Variants in XKR9 observed in about 807,000 individuals in gnomAD.
The protein encoded by XKR9 is XK-related protein 9.
A neutral mutation model predicts 32.0 loss-of-function variants in XKR9; 32 were observed. That is an observed-to-expected ratio of 1.00 (90% CI 0.76 to 1.34). The LOEUF (loss-of-function observed/expected upper bound fraction) is 1.34, where lower values mean the gene tolerates loss of function less well. Among genes scored for constraint, XKR9 ranks in the 40% most tolerant of loss-of-function variants. The pLI is 0.00. For missense variants in XKR9, 546 were observed against 429.7 expected (o/e 1.27, Z -2.39); for synonymous variants, 168 against 143.4 (o/e 1.17, Z -1.22).
At chr8:70,813,238 A>T in the XKR9 span, among the ~76,000 whole-genome samples, 6 of 152,370 alleles carry the variant, frequency 3.9e-5, no homozygotes, top group East Asian at 9.6e-4. Flanking sequence ...CTGGCTAGCC[A>T]TATGTAGAAA....
the XKR9 span, among the ~76,000 whole-genome samples, chr8:70,858,632 A>G: frequency 2.6e-5 from 4 of 152,292 alleles, no homozygotes; most frequent in South Asian, 8.3e-4. Context: ...TAGTAATTAA[A>G]TCAGCATCAC....
At chr8:70,851,094 C>A in the XKR9 span, among the ~76,000 whole-genome samples, 20 of 152,282 alleles carry the variant, frequency 1.3e-4, no homozygotes, top group South Asian at 4.1e-3. Context: ...TCTCAGGATA[C>A]AAAATCAATG....
chr8:70,817,743 T>C, the XKR9 span, among the ~76,000 whole-genome samples: 1 of 152,000 alleles, frequency 6.6e-6, no homozygotes, highest in Non-Finnish European at 1.5e-5. Flanking sequence ...GGTTACAGTA[T>C]GCTACTGGTT....
the XKR9 span, among the ~76,000 whole-genome samples, chr8:71,001,032 A>G: frequency 1.3e-5 from 2 of 152,216 alleles, no homozygotes; most frequent in African/African-American, 4.8e-5. Context: ...ACTGAGCATC[A>G]GTTTTCTTGT....
the XKR9 span, among the ~76,000 whole-genome samples, chr8:71,043,684 C>G: frequency 6.6e-6 from 1 of 152,108 alleles, no homozygotes; most frequent in Non-Finnish European, 1.5e-5. Flanking sequence ...AAACCTAAGA[C>G]CTTTTGCTTC....
At chr8:71,025,576 G>A in the XKR9 span, among the ~76,000 whole-genome samples, 7 of 152,174 alleles carry the variant, frequency 4.6e-5, no homozygotes, top group Non-Finnish European at 7.3e-5. Flanking sequence ...AAATTAAAGG[G>A]CATGATCTTC....
At chr8:70,709,688 T>A (rs1805843132) in intron 4 of XKR9, among the ~76,000 whole-genome samples, 1 of 151,982 alleles carries the variant, frequency 6.6e-6, no homozygotes, top group Non-Finnish European at 1.5e-5. Flanking sequence ...AAGAATGCAA[T>A]CCCTTTTACA....
At chr8:70,848,458 G>T in the XKR9 span, among the ~76,000 whole-genome samples, 1 of 151,808 alleles carries the variant, frequency 6.6e-6, no homozygotes, top group African/African-American at 2.4e-5. Context: ...TTATGCAAGA[G>T]AAAGAAATGA....
Position 70,735,557 on chromosome 8 carries a change from C to T in XKR9, c.*1133C>T, listed in dbSNP as rs1042381435. 1 of 150,942 alleles carries T rather than the reference C, an allele frequency of 6.6e-6. No individual in the cohort carries two copies. The highest frequency in any genetic ancestry group is 1.5e-5 in the Non-Finnish European group (1 of 67,802). The allele number at this position is 150,942 out of a possible 1,614,324, so 9.4% of individuals were successfully genotyped here. A position where few individuals can be genotyped will look rare whatever the true frequency, so the allele number is the denominator to read the frequency against. On this transcript the variant is annotated 3_prime_UTR_variant, in exon 5 of 5. Transcript: ENST00000408926. ...ATACATGTGCCATGCTGGTGTGCTG[C>T]ACCCATTAACTCGTCATTTATCATT...
chr8:70,966,716 G>A, the XKR9 span, among the ~76,000 whole-genome samples: 1 of 152,070 alleles, frequency 6.6e-6, no homozygotes, highest in African/African-American at 2.4e-5. Flanking sequence ...ATCATCAGTG[G>A]GGTGTTAAAG....
chr8:70,729,397 ATTACT>A (rs922650813), intron 4 of XKR9, among the ~76,000 whole-genome samples: 11 of 152,256 alleles, frequency 7.2e-5, no homozygotes, highest in Admixed American at 4.6e-4. Context: ...TAAGAAAAAG[ATTACT>A]TTAGTTTTCT....
intron 2 of XKR9, chr8:70,789,235 T>A (rs988492818): frequency 1.3e-5 from 2 of 152,080 alleles, no homozygotes; most frequent in African/African-American, 2.4e-5. Flanking sequence ...GTGTAATTTT[T>A]AAAAATTTAA....
intron 3 of XKR9, among the ~76,000 whole-genome samples, chr8:70,699,269 T>G (rs1266697063): frequency 1.3e-5 from 2 of 152,212 alleles, no homozygotes; most frequent in Non-Finnish European, 2.9e-5. Flanking sequence ...TGCAGTTTCT[T>G]CCTAGCCTCG....
chr8:70,843,250 G>C, the XKR9 span, among the ~76,000 whole-genome samples: 2 of 152,180 alleles, frequency 1.3e-5, no homozygotes, highest in Non-Finnish European at 2.9e-5. Flanking sequence ...TATCTCAAAA[G>C]TAATTATAGC....
At chr8:70,794,460 A>G (rs184553586), downstream of XKR9, among the ~76,000 whole-genome samples, 559 of 152,172 alleles carry the variant, frequency 3.7e-3, 5 homozygotes, top group Middle Eastern at 6.8e-3. Context: ...TCAGTCTTTC[A>G]CCATTAATTT....
the XKR9 span, among the ~76,000 whole-genome samples, chr8:71,032,327 C>A: frequency 6.9e-6 from 1 of 145,832 alleles, no homozygotes; most frequent in Admixed American, 6.9e-5. Flanking sequence ...GAAGTTACCA[C>A]AATTCTAAGA....
chr8:70,795,993 G>T, the XKR9 span, among the ~76,000 whole-genome samples: 5 of 151,502 alleles, frequency 3.3e-5, no homozygotes, highest in African/African-American at 7.3e-5. Context: ...ACCTTTCTTT[G>T]TGGAAAGTTT....
the XKR9 span, among the ~76,000 whole-genome samples, chr8:70,914,928 G>A: frequency 5.9e-5 from 9 of 152,320 alleles, no homozygotes; most frequent in East Asian, 1.5e-3. Flanking sequence ...ATTGACATGA[G>A]CCTAGCCATG....
chr8:70,882,018 A>C, the XKR9 span, among the ~76,000 whole-genome samples: 2 of 152,210 alleles, frequency 1.3e-5, no homozygotes, highest in Non-Finnish European at 2.9e-5. Context: ...CCAGGACAGA[A>C]AACCAAACAC....
Sources: gnomAD v4.1 joint callset for allele counts (sites outside exome capture counted in the v4.1 genomes callset) on GRCh38, gnomAD v4.1.1 for gene constraint, MANE v1.5 for transcripts, NCBI Gene and HGNC (gene_info 2026-07-23, HGNC 2026-07-21) for gene names.